Variants in FBXO39 observed in about 807,000 individuals in gnomAD.
The protein encoded by FBXO39 is F-box only protein 39.
Under a neutral mutation model 36.6 loss-of-function variants are expected in FBXO39, and 22 were observed. The ratio of observed to expected loss-of-function variants is 0.60; its 90% CI spans 0.43 to 0.86. The LOEUF (loss-of-function observed/expected upper bound fraction) is 0.86, where lower values mean the gene tolerates loss of function less well. Ranked by LOEUF, FBXO39 falls within the 40% of genes least tolerant of loss-of-function variation. FBXO39 has a pLI of 0.00. For missense variants in FBXO39, 536 were observed against 543.9 expected, an observed-to-expected ratio of 0.99 and a Z score of 0.14; for synonymous variants, 206 against 205.8, an observed-to-expected ratio of 1.00 and a Z score of -0.01.
In FBXO39 at chr17:6,787,528, T is replaced by C; in HGVS notation, c.*100T>C. 7.1e-7 allele frequency: 1 copy of C among 1,405,366 alleles called. No individual in the cohort carries two copies. Among genetic ancestry groups the C allele is most frequent in the Non-Finnish European group, 9.6e-7 (1 of 1,042,144 alleles). 87.1% of individuals were successfully genotyped at this position (1,405,366 alleles called of 1,614,324 possible). A position where few individuals can be genotyped will look rare whatever the true frequency, so the allele number is the denominator to read the frequency against. On this transcript the variant is annotated 3_prime_UTR_variant, in exon 4 of 4. Transcript: ENST00000321535. The stretch of plus-strand genomic sequence containing the variant: ...CACTGCCGGCCCTTTTGCTCCTCTC[T>C]CTCCCCTCCACTTTTTTTTTTTGTC...
At chr17:6,786,729 C>T in intron 2 of FBXO39, 51 bp from the exon 3 acceptor site, 1 of 1,497,150 alleles carries the variant, frequency 6.7e-7, no homozygotes, top group East Asian at 2.3e-5. Flanking sequence ...ACAACTCAGC[C>T]AGGCTCAGCA....
chr17:6,784,654 T>A (rs1976544779), intron 2 of FBXO39, among the ~76,000 whole-genome samples: 2 of 152,044 alleles, frequency 1.3e-5, no homozygotes, highest in South Asian at 4.1e-4. Context: ...AAGAAAGTAA[T>A]CCTGTTTATA....
At chr17:6,784,161 A>C (rs1976538972) in intron 2 of FBXO39, among the ~76,000 whole-genome samples, 1 of 152,198 alleles carries the variant, frequency 6.6e-6, no homozygotes, top group Non-Finnish European at 1.5e-5. Flanking sequence ...AAGAACAAAA[A>C]GCATATGATT....
chr17:6,777,214 A>G (rs1976435020), intron 1 of FBXO39, among the ~76,000 whole-genome samples: 1 of 151,944 alleles, frequency 6.6e-6, no homozygotes, highest in African/African-American at 2.4e-5. Context: ...CTAGAATTTA[A>G]GCCCCGCATG....
At chr17:6,782,377 G>A (rs540071627) in intron 2 of FBXO39, among the ~76,000 whole-genome samples, 72 of 152,096 alleles carry the variant, frequency 4.7e-4, no homozygotes, top group Non-Finnish European at 7.9e-4. Flanking sequence ...AGAGAAGACC[G>A]CAAAAAACCA....
chr17:6,787,546 T>TTTC lies in FBXO39; in HGVS notation c.*120_*121insCTT, dbSNP rs1976592060. ...TCCTCTCTCTCCCCTCCACTTTTTT[T>TTTC]TTTTGTCAGCTCCATGACAACATGA... On this transcript the variant is annotated 3_prime_UTR_variant, in exon 4 of 4. Transcript: ENST00000321535. The TTTC allele has an allele frequency of 2.7e-5, 34 of 1,259,584 alleles. No homozygotes were observed. Among genetic ancestry groups the TTTC allele is most frequent in the East Asian group, 7.3e-5 (3 of 41,204 alleles). The allele number at this position is 1,259,584 out of a possible 1,614,324, so 78.0% of individuals were successfully genotyped here. A position where few individuals can be genotyped will look rare whatever the true frequency, so the allele number is the denominator to read the frequency against.
At position 6,779,896 on chromosome 17, in the gene FBXO39, C is replaced by A. The variant is rs4796555; in HGVS notation, c.28C>A (p.Pro10Thr). ...GGACGAAGAAAGTGAACTGATCCAGCCCCAAGACCAGAGCTGCTGGGCCTT... is the reference window on the plus strand; with the variant it reads ...GGACGAAGAAAGTGAACTGATCCAGACCCAAGACCAGAGCTGCTGGGCCTT... MDEESELIQ[P>T]QDQSCWAFLP... The change falls in exon 2 of 4, where the codon CCC becomes ACC. Residue 10 changes from proline to threonine, a missense_variant. Transcript: ENST00000321535. 6.2e-7 allele frequency: 1 copy of A among 1,613,932 alleles called. No homozygotes were observed. The highest frequency in any genetic ancestry group is 8.5e-7 in the Non-Finnish European group (1 of 1,179,978).
intron 1 of FBXO39, among the ~76,000 whole-genome samples, chr17:6,779,534 C>A (rs142197827): frequency 6.6e-6 from 1 of 152,298 alleles, no homozygotes; most frequent in East Asian, 1.9e-4. Context: ...AGTAAGTCAC[C>A]CTGCATGTGT....
chr17:6,784,045 C>T (rs972543598), intron 2 of FBXO39, among the ~76,000 whole-genome samples: 1 of 152,072 alleles, frequency 6.6e-6, no homozygotes, highest in African/African-American at 2.4e-5. Context: ...TTCGACAACA[C>T]ATTACAAAGA....
At position 6,780,534 on chromosome 17, in the gene FBXO39, A is replaced by G. The variant is rs780185010; in HGVS notation, c.666A>G (p.Thr222=). Reference sequence around the variant, plus strand: ...CCCAGTTCAAAAAGACCATGTCCACATTCCACAATCTTGTGTCCCTGAACC... The same window carrying G: ...CCCAGTTCAAAAAGACCATGTCCACGTTCCACAATCTTGTGTCCCTGAACC... The part of the protein sequence containing the change: ...NSPQFKKTMS[T]FHNLVSLNLN... Residue 222 remains threonine, a synonymous_variant, in exon 2 of 4, where the codon ACA becomes ACG. Transcript: ENST00000321535. 1.1e-5 allele frequency: 17 copies of G among 1,613,992 alleles called. No individual in the cohort carries two copies. The Admixed American group carries it at 2.0e-4, about 19-fold the overall frequency.
At chr17:6,777,432 C>T (rs1296802051) in intron 1 of FBXO39, among the ~76,000 whole-genome samples, 2 of 152,158 alleles carry the variant, frequency 1.3e-5, no homozygotes, top group African/African-American at 2.4e-5. Context: ...CTGCAAAGGA[C>T]ATGAACTCAT....
At position 6,786,884 on chromosome 17, in the gene FBXO39, C is replaced by T. The variant is rs757652719; in HGVS notation, c.1128C>T (p.Phe376=). ...TGTTTTACTTCAAAATCTGGGCTTTCCTTGATGTTAGTTTTGTGGAGCGGA... is the reference window on the plus strand; with the variant it reads ...TGTTTTACTTCAAAATCTGGGCTTTTCTTGATGTTAGTTTTGTGGAGCGGA... ...RKLFYFKIWA[F]LDVSFVERIL... The change falls in exon 3 of 4, where the codon TTC becomes TTT. Residue 376 remains phenylalanine, a synonymous_variant. Coordinates refer to ENST00000321535, the MANE Select transcript of FBXO39 (RefSeq NM_153230.3). The T allele has an allele frequency of 1.9e-6, 3 of 1,614,058 alleles. No homozygotes were observed. Among genetic ancestry groups the T allele is most frequent in the Non-Finnish European group, 1.7e-6 (2 of 1,179,990 alleles).
intron 1 of FBXO39, among the ~76,000 whole-genome samples, chr17:6,776,553 T>A (rs1976414724): frequency 6.6e-6 from 1 of 152,178 alleles, no homozygotes; most frequent in Non-Finnish European, 1.5e-5. Flanking sequence ...TCTCCCCACT[T>A]ACTACACGTT....
In FBXO39 at chr17:6,783,345, C is replaced by T. The variant is rs148839078; in HGVS notation, c.1023+2454C>T. ...TTCAAATAAACATTCTAATGACACACTTTAAAGGACTGAAAAAACCAAGAG... is the reference window on the plus strand; with the variant it reads ...TTCAAATAAACATTCTAATGACACATTTTAAAGGACTGAAAAAACCAAGAG... On this transcript the variant is annotated intron_variant, in intron 2 of 3. Transcript: ENST00000321535. Among the ~76,000 whole-genome samples, 36 of 151,996 alleles carry T rather than the reference C, an allele frequency of 2.4e-4. 2 individuals carry two copies. Among genetic ancestry groups the T allele is most frequent in the Middle Eastern group, 6.8e-3 (2 of 294 alleles).
At position 6,786,804 on chromosome 17, in the gene FBXO39, A is replaced by T; in HGVS notation, c.1048A>T (p.Asn350Tyr). 1 of 1,609,850 alleles carries T rather than the reference A, an allele frequency of 6.2e-7. No homozygotes were observed. Among genetic ancestry groups the T allele is most frequent in the East Asian group, 2.2e-5 (1 of 44,840 alleles). Residue 350 changes from asparagine to tyrosine, a missense_variant, in exon 3 of 4, where the codon AAC becomes TAC. Transcript: ENST00000321535. ...LQKLTCEFNN[N>Y]HESLDEELHL... ...GAAATTAACTTGTGAATTCAACAAC[A>T]ACCATGAGTCACTCGACGAGGAGCT...
At chr17:6,779,713 A>C (rs1976479103) in intron 1 of FBXO39, 76 bp from the exon 2 acceptor site, 1 of 757,658 alleles carries the variant, frequency 1.3e-6, no homozygotes, top group Non-Finnish European at 2.1e-6. Context: ...TGCACTTGGG[A>C]CCACAGGGAA....
intron 2 of FBXO39, among the ~76,000 whole-genome samples, chr17:6,781,208 G>C (rs1976505526): frequency 1.3e-5 from 2 of 152,268 alleles, no homozygotes; most frequent in East Asian, 3.9e-4. Context: ...ATAGCGGCTG[G>C]GCTGCCTCTT....
chr17:6,777,847 C>T (rs989078113), intron 1 of FBXO39, among the ~76,000 whole-genome samples: 1 of 152,182 alleles, frequency 6.6e-6, no homozygotes, highest in South Asian at 2.1e-4. Flanking sequence ...TAGGGCGCCA[C>T]GTCATGGGCG....
At chr17:6,783,572 T>C (rs188649938) in intron 2 of FBXO39, among the ~76,000 whole-genome samples, 30 of 151,998 alleles carry the variant, frequency 2.0e-4, no homozygotes, top group Admixed American at 1.6e-3. Context: ...AAGGAGACAT[T>C]ACAACCAATA....
Sources: gnomAD v4.1 joint callset for allele counts (sites outside exome capture counted in the v4.1 genomes callset) on GRCh38, gnomAD v4.1.1 for gene constraint, MANE v1.5 for transcripts, NCBI Gene and HGNC (gene_info 2026-07-23, HGNC 2026-07-21) for gene names.